The following HELZ2 variants were observed in gnomAD, a reference collection of about 807,000 sequenced individuals.
HELZ2 encodes 3'-5' exoribonuclease HELZ2.
Under a neutral mutation model 208.8 loss-of-function variants are expected in HELZ2, and 143 were observed. The observed-to-expected ratio is 0.68, with a 90% confidence interval of 0.60 to 0.79. The LOEUF (loss-of-function observed/expected upper bound fraction) is 0.79, where lower values mean the gene tolerates loss of function less well. HELZ2 is among the 30% of genes least tolerant of loss of function. The pLI, the probability that HELZ2 is intolerant of heterozygous loss-of-function variation, is 0.00. For missense variants in HELZ2, 3,690 were observed against 3,794.5 expected, an observed-to-expected ratio of 0.97 and a Z score of 0.72; for synonymous variants, 1,705 against 1,693.7, an observed-to-expected ratio of 1.01 and a Z score of -0.16.
In HELZ2 at chr20:63,562,660, C is replaced by A; in HGVS notation, c.6162G>T (p.Glu2054Asp). 2.5e-6 allele frequency: 4 copies of A among 1,597,100 alleles called. No homozygotes were observed. Among genetic ancestry groups the A allele is most frequent in the Non-Finnish European group, 3.4e-6 (4 of 1,172,714 alleles). The change falls in exon 8 of 19, where the codon GAG becomes GAT. Residue 2054 changes from glutamate to aspartate, a missense_variant. This residue lies in a region of HELZ2 where 2,564 missense variants were observed against 2,580.5 expected (regional missense o/e 0.99). Coordinates refer to ENST00000467148, the Ensembl canonical transcript of HELZ2. ...GAGCCTCCTGCCGGTCTGCCCGGCG[C>A]TCCTGGTCCCAGTCCTGCGTCTGCC...
chr20:63,572,688 G>A (rs1447424427), upstream of HELZ2: 18 of 384,104 alleles, frequency 4.7e-5, no homozygotes, highest in Admixed American at 3.0e-4. Flanking sequence ...TCGGCCGCCC[G>A]GCCTGCCCCT....
chr20:63,569,977 T>C (rs1456825151), intron 3 of HELZ2: 4 of 497,210 alleles, frequency 8.0e-6, no homozygotes, highest in East Asian at 7.3e-5. Context: ...GAGACGGAGT[T>C]TCACTCTTGT....
chr20:63,567,530 G>A (rs751913959), exon 6 of HELZ2: 1 of 1,565,964 alleles, frequency 6.4e-7, no homozygotes, highest in South Asian at 1.2e-5. Flanking sequence ...GTCTGGCTCA[G>A]CGGCCGGTCC....
chr20:63,570,652 A>ACCC, intron 2 of HELZ2, 33 bp downstream of exon 3: 24 of 898,384 alleles, frequency 2.7e-5, no homozygotes, highest in East Asian at 1.0e-4. Context: ...CCTGGACCCC[A>ACCC]CCCCACCCCA....
At chr20:63,574,000 G>C (rs1037654372), upstream of HELZ2, among the ~76,000 whole-genome samples, 1 of 152,054 alleles carries the variant, frequency 6.6e-6, no homozygotes, top group Non-Finnish European at 1.5e-5. The surrounding 1 kb of genome is among the most constrained non-coding windows in gnomAD (Gnocchi z 4.9). Flanking sequence ...GGTCCTGGAC[G>C]GGCTGCACTG....
At position 63,563,440 on chromosome 20, in the gene HELZ2, C is replaced by CA; in HGVS notation, c.5381dup (p.Trp1795ValfsTer146). On this transcript the variant is annotated frameshift_variant, in exon 8 of 19. Coordinates refer to ENST00000467148, the Ensembl canonical transcript of HELZ2. LOFTEE classifies it high-confidence loss of function. ...GCGCTGAGTAGACACGGCGCCGCCACAGGAGCCGCAGGCCCGGCCGGCCTG... is the reference window on the plus strand; with the variant it reads ...GCGCTGAGTAGACACGGCGCCGCCACAAGGAGCCGCAGGCCCGGCCGGCCTG... 6.5e-7 allele frequency: 1 copy of CA among 1,529,378 alleles called. No individual in the cohort carries two copies. Among genetic ancestry groups the CA allele is most frequent in the South Asian group, 1.2e-5 (1 of 83,636 alleles). 94.7% of individuals were successfully genotyped at this position (1,529,378 alleles called of 1,614,324 possible).
exon 8 of HELZ2, chr20:63,563,894 T>C (rs1241211739): frequency 1.3e-6 from 2 of 1,599,338 alleles, no homozygotes; most frequent in Non-Finnish European, 1.7e-6. Flanking sequence ...CGCCGAGCGC[T>C]CCAGGGCCTT....
exon 8 of HELZ2, chr20:63,564,830 G>A (rs769326449): frequency 6.8e-6 from 11 of 1,610,020 alleles, no homozygotes; most frequent in South Asian, 1.1e-5. Context: ...TCGGCGGCCG[G>A]CAACCCGGCC....
exon 5 of HELZ2, chr20:63,568,664 G>T (rs200473388): frequency 5.6e-6 from 9 of 1,605,198 alleles, no homozygotes; most frequent in Non-Finnish European, 7.6e-6. Context: ...GAAGGTCATC[G>T]GGTCAATCTG....
Position 63,559,384 on chromosome 20 carries a change from A to C in HELZ2, c.7826-14T>G. 6.3e-7 allele frequency: 1 copy of C among 1,576,858 alleles called. No homozygotes were observed. The highest frequency in any genetic ancestry group is 8.6e-7 in the Non-Finnish European group (1 of 1,158,276). ...GGAGGTGGTCTCCTGTGAGGGTGGGAGTCAGATGGGAGTCAGTCAGGGTCA... is the reference window on the plus strand; with the variant it reads ...GGAGGTGGTCTCCTGTGAGGGTGGGCGTCAGATGGGAGTCAGTCAGGGTCA... On this transcript the variant is annotated splice_polypyrimidine_tract_variant and intron_variant, in intron 18 of 18. Coordinates refer to ENST00000467148, the Ensembl canonical transcript of HELZ2.
Position 63,565,530 on chromosome 20 carries a change from C to T in HELZ2, c.3292G>A (p.Val1098Ile), listed in dbSNP as rs772540087. The T allele has an allele frequency of 7.5e-6, 12 of 1,606,514 alleles. No individual in the cohort carries two copies. Among genetic ancestry groups the T allele is most frequent in the South Asian group, 2.2e-5 (2 of 91,054 alleles). The change falls in exon 8 of 19, where the codon GTC becomes ATC. Residue 1098 changes from valine to isoleucine, a missense_variant. Physicochemically the swap from Val to Ile is conservative, Grantham distance 29. This residue lies in a region of HELZ2 where 2,564 missense variants were observed against 2,580.5 expected (regional missense o/e 0.99). Coordinates refer to ENST00000467148, the Ensembl canonical transcript of HELZ2. ...TGCTGCAGGGACTCGGGCCTGGCGA[C>T]AGTGTCCAGCAGCCCGTCCTCCCCG... is the stretch of plus-strand genomic sequence containing the variant.
exon 8 of HELZ2, chr20:63,563,796 G>T: frequency 6.2e-7 from 1 of 1,602,582 alleles, no homozygotes; most frequent in East Asian, 2.2e-5. Flanking sequence ...AGGTACCTGC[G>T]GATGGGCGAG....
At chr20:63,562,569 G>A (rs750038418) in exon 8 of HELZ2, 4 of 1,598,108 alleles carry the variant, frequency 2.5e-6, no homozygotes, top group Non-Finnish European at 3.4e-6. Flanking sequence ...AGGGTGCCCG[G>A]CCTCAGCACC....
At chr20:63,569,737 C>T (rs1325480310) in intron 3 of HELZ2, 72 bp from the exon 5 acceptor site, 11 of 1,418,352 alleles carry the variant, frequency 7.8e-6, no homozygotes, top group Admixed American at 2.8e-5. Context: ...GCCTGGCCAG[C>T]GTAGCCCAAG....
chr20:63,566,858 A>G (rs2082965342), exon 6 of HELZ2: 1 of 1,599,756 alleles, frequency 6.3e-7, no homozygotes, highest in African/African-American at 1.3e-5. Flanking sequence ...GCACCGTGGG[A>G]AACGACACAG....
At chr20:63,564,580 G>C in exon 8 of HELZ2, 2 of 1,568,178 alleles carry the variant, frequency 1.3e-6, no homozygotes, top group African/African-American at 1.3e-5. Context: ...GGCTGAGGAC[G>C]TCCTGGCAGA....
chr20:63,563,655 G>T, exon 8 of HELZ2: 1 of 1,556,256 alleles, frequency 6.4e-7, no homozygotes, highest in Non-Finnish European at 8.6e-7. Flanking sequence ...CTGCGCGCCC[G>T]CCGCTGATAG....
At chr20:63,565,737 C>T (rs565301200) in exon 8 of HELZ2, 22 of 1,604,026 alleles carry the variant, frequency 1.4e-5, no homozygotes, top group Admixed American at 1.3e-4. Context: ...TCCTTCACTG[C>T]GTCTCCTGCT....
chr20:63,567,388 G>A lies in HELZ2; in HGVS notation c.1970C>T (p.Pro657Leu), dbSNP rs780695315. Reference sequence around the variant, plus strand: ...GAGAATGTGGGAGAAGAAGCCGACCGGCACCCTGAGCTCACGGGCCTGGGA... The same window carrying A: ...GAGAATGTGGGAGAAGAAGCCGACCAGCACCCTGAGCTCACGGGCCTGGGA... Residue 657 changes from proline to leucine, a missense_variant, in exon 6 of 19, where the codon CCG (proline) becomes CTG (leucine). Pro to Leu is a moderately conservative substitution (Grantham distance 98). This residue lies in a region of HELZ2 where 1,119 missense variants were observed against 1,193.4 expected (regional missense o/e 0.94). Coordinates refer to ENST00000467148, the Ensembl canonical transcript of HELZ2. 34 of 1,590,050 alleles carry A rather than the reference G, an allele frequency of 2.1e-5. No individual in the cohort carries two copies. Among genetic ancestry groups the A allele is most frequent in the South Asian group, 1.7e-4 (15 of 88,390 alleles).
Sources: gnomAD v4.1 joint callset for allele counts (sites outside exome capture counted in the v4.1 genomes callset) on GRCh38, gnomAD v4.1.1 for gene constraint, gnomAD v4.1.1 regional missense constraint, Gnocchi (gnomAD v3.1) non-coding constraint, MANE v1.5 for transcripts, NCBI Gene and HGNC (gene_info 2026-07-23, HGNC 2026-07-21) for gene names.